Variants in LOC128462377 observed in about 807,000 individuals in gnomAD.
chr16:89,365,653 T>C, the LOC128462377 span, among the ~76,000 whole-genome samples: 1 of 152,184 alleles, frequency 6.6e-6, no homozygotes, highest in Non-Finnish European at 1.5e-5. Context: ...GTAGGGGGCC[T>C]TTTACCGCAA....
At chr16:89,345,483 C>T in the LOC128462377 span, among the ~76,000 whole-genome samples, 3 of 152,324 alleles carry the variant, frequency 2.0e-5, no homozygotes, top group East Asian at 1.9e-4. Flanking sequence ...GCCCCAAGCA[C>T]GGAGGCAGAG....
the LOC128462377 span, among the ~76,000 whole-genome samples, chr16:89,368,934 G>A: frequency 2.0e-5 from 3 of 152,098 alleles, no homozygotes; most frequent in Admixed American, 6.5e-5. Flanking sequence ...GAACAAAGAG[G>A]CAGTGGGACT....
chr16:89,384,074 G>A, the LOC128462377 span, among the ~76,000 whole-genome samples: 1 of 152,188 alleles, frequency 6.6e-6, no homozygotes, highest in East Asian at 1.9e-4. Flanking sequence ...ACAAAAATTA[G>A]CCGGGCGTGG....
the LOC128462377 span, among the ~76,000 whole-genome samples, chr16:89,404,650 C>G: frequency 1.3e-5 from 2 of 152,204 alleles, no homozygotes; most frequent in East Asian, 3.9e-4. Flanking sequence ...TACTATGGAT[C>G]CTGAGGGCGA....
the LOC128462377 span, among the ~76,000 whole-genome samples, chr16:89,349,133 GT>G: frequency 1.3e-3 from 2 of 1,574 alleles, no homozygotes; most frequent in African/African-American, 8.8e-3. Context: ...GTCTCAAAAA[GT>G]AAAAAAAAAA....
At chr16:89,383,650 G>A in the LOC128462377 span, among the ~76,000 whole-genome samples, 2 of 152,104 alleles carry the variant, frequency 1.3e-5, no homozygotes, top group African/African-American at 4.8e-5. Flanking sequence ...CGCAGCAGAC[G>A]TCGAGCCCCT....
chr16:89,338,077 C>A, the LOC128462377 span, among the ~76,000 whole-genome samples: 1 of 152,350 alleles, frequency 6.6e-6, no homozygotes, highest in Non-Finnish European at 1.5e-5. Flanking sequence ...CTCTGCCACT[C>A]AGGAGCCCCA....
At chr16:89,410,785 G>T in the LOC128462377 span, among the ~76,000 whole-genome samples, 3 of 152,242 alleles carry the variant, frequency 2.0e-5, no homozygotes, top group African/African-American at 7.2e-5. Context: ...CCCATGCCCA[G>T]GCAGAGAGCC....
the LOC128462377 span, among the ~76,000 whole-genome samples, chr16:89,385,618 A>C: frequency 6.6e-6 from 1 of 152,090 alleles, no homozygotes; most frequent in East Asian, 1.9e-4. Flanking sequence ...AACACAACAC[A>C]CTCACGATGA....
the LOC128462377 span, among the ~76,000 whole-genome samples, chr16:89,390,901 T>C: frequency 6.6e-6 from 1 of 152,142 alleles, no homozygotes; most frequent in Non-Finnish European, 1.5e-5. Context: ...AACATGTAAG[T>C]GTCACCCTGA....
the LOC128462377 span, among the ~76,000 whole-genome samples, chr16:89,371,506 G>A: frequency 6.6e-6 from 1 of 151,830 alleles, no homozygotes; most frequent in Non-Finnish European, 1.5e-5. Flanking sequence ...GTGGTCTGTA[G>A]TCTGTGCACC....
At chr16:89,322,936 TG>T in the LOC128462377 span, among the ~76,000 whole-genome samples, 1 of 152,238 alleles carries the variant, frequency 6.6e-6, no homozygotes, top group African/African-American at 2.4e-5. Context: ...CTCCGCCTCC[TG>T]GGCTCAAGCT....
chr16:89,335,950 C>T, the LOC128462377 span, among the ~76,000 whole-genome samples: 2 of 152,222 alleles, frequency 1.3e-5, no homozygotes, highest in African/African-American at 2.4e-5. Flanking sequence ...GCAAACATGA[C>T]CGTGCAACAT....
the LOC128462377 span, among the ~76,000 whole-genome samples, chr16:89,350,925 G>A: frequency 6.6e-6 from 1 of 152,190 alleles, no homozygotes; most frequent in Admixed American, 6.5e-5. Flanking sequence ...TCAGCAGGGT[G>A]ACTCAGCAAC....
the LOC128462377 span, among the ~76,000 whole-genome samples, chr16:89,379,770 T>G: frequency 6.6e-6 from 1 of 152,178 alleles, no homozygotes; most frequent in Non-Finnish European, 1.5e-5. Context: ...TTGGACTGAG[T>G]ACAACGGGCA....
the LOC128462377 span, among the ~76,000 whole-genome samples, chr16:89,329,486 C>T: frequency 6.6e-6 from 1 of 152,060 alleles, no homozygotes; most frequent in Admixed American, 6.5e-5. Flanking sequence ...GGTGTTTCCC[C>T]AACGGTATAC....
the LOC128462377 span, among the ~76,000 whole-genome samples, chr16:89,410,131 G>A: frequency 6.6e-6 from 1 of 152,126 alleles, no homozygotes; most frequent in Non-Finnish European, 1.5e-5. Context: ...GAGCCACCGC[G>A]TCCAGCCTCA....
At chr16:89,348,891 A>C in the LOC128462377 span, among the ~76,000 whole-genome samples, 1 of 149,552 alleles carries the variant, frequency 6.7e-6, no homozygotes, top group Non-Finnish European at 1.5e-5. Flanking sequence ...AAAAAAAAAC[A>C]CCCAGCCGGG....
At chr16:89,352,822 C>A in the LOC128462377 span, among the ~76,000 whole-genome samples, 1 of 152,184 alleles carries the variant, frequency 6.6e-6, no homozygotes, top group Admixed American at 6.5e-5. Context: ...CCACATGGGC[C>A]CCCAAGCAGG....
Sources: gnomAD v4.1 joint callset for allele counts (sites outside exome capture counted in the v4.1 genomes callset) on GRCh38, gnomAD v4.1.1 for gene constraint, MANE v1.5 for transcripts.